The following FRMD3 variants were observed in gnomAD, a reference collection of about 807,000 sequenced individuals.
FRMD3 encodes the protein FERM domain containing 3.
FRMD3 carries 33 observed loss-of-function variants against 70.2 expected under a neutral mutation model. The observed-to-expected ratio is 0.47, with a 90% CI of 0.36 to 0.63. The LOEUF (loss-of-function observed/expected upper bound fraction) is 0.63, where lower values mean the gene tolerates loss of function less well. Ranked by LOEUF, FRMD3 falls within the 20% of genes least tolerant of loss-of-function variation. The probability of loss-of-function intolerance (pLI) is 0.00; values close to 1 mark genes in which losing one functional copy is unlikely to be tolerated. For missense variants in FRMD3, 632 were observed against 711.4 expected, an observed-to-expected ratio of 0.89 and a Z score of 1.27; for synonymous variants, 279 against 255.9, an observed-to-expected ratio of 1.09 and a Z score of -0.86.
Position 83,423,595 on chromosome 9 carries a change from T to TTC in FRMD3, c.148-33888_148-33887insGA, listed in dbSNP as rs1304917716. On this transcript the variant is annotated intron_variant, in intron 1 of 13. Transcript: ENST00000304195. ...GCACTAGCCCTGTTTCTTTTTTTTT[T>TTC]TTTTTTTTTTTTTTTTTTGAGATGG... Among the ~76,000 whole-genome samples the TTC allele has an allele frequency of 6.7e-4, 89 of 132,392 alleles. 1 individual carries two copies. The highest frequency in any genetic ancestry group is 2.6e-3 in the African/African-American group (89 of 34,708). 86.9% of individuals were successfully genotyped at this position (132,392 alleles called of 152,430 possible).
chr9:83,249,224 C>T (rs1305832921), intron 13 of FRMD3, among the ~76,000 whole-genome samples: 2 of 151,978 alleles, frequency 1.3e-5, no homozygotes, highest in Non-Finnish European at 2.9e-5. Flanking sequence ...AGCTTTTTTT[C>T]CCCTCTTGTT....
chr9:83,549,676 T>C, the FRMD3 span, among the ~76,000 whole-genome samples: 2 of 152,232 alleles, frequency 1.3e-5, no homozygotes, highest in African/African-American at 2.4e-5. Context: ...ATTGTGCTTT[T>C]GATTTGCATT....
intron 6 of FRMD3, among the ~76,000 whole-genome samples, chr9:83,326,827 T>C (rs2131108879): frequency 6.6e-6 from 1 of 152,332 alleles, no homozygotes; most frequent in East Asian, 1.9e-4. Context: ...TTCAAAGAGC[T>C]AACAATTCTC....
chr9:83,372,026 A>T (rs960430777), intron 3 of FRMD3, among the ~76,000 whole-genome samples: 2 of 152,250 alleles, frequency 1.3e-5, no homozygotes, highest in Admixed American at 1.3e-4. Context: ...AATCCCTTGA[A>T]TGACGACAAG....
intron 13 of FRMD3, among the ~76,000 whole-genome samples, chr9:83,249,337 C>A (rs2118516123): frequency 6.6e-6 from 1 of 152,262 alleles, no homozygotes; most frequent in East Asian, 1.9e-4. Context: ...CTCAATGCCT[C>A]ATTTTACTGA....
Position 83,372,907 on chromosome 9 carries a change from A to G in FRMD3, c.295+6T>C. The G allele has an allele frequency of 1.9e-6, 3 of 1,610,914 alleles. No homozygotes were observed. The highest frequency in any genetic ancestry group is 1.7e-6 in the Non-Finnish European group (2 of 1,177,214). On this transcript the variant is annotated splice_donor_region_variant and intron_variant, in intron 3 of 13. Transcript: ENST00000304195. ...AGCAAAAGTAAAGTCACAGATTGAC[A>G]CTTACTTTTCATTTGCTTGAAGATG... is the stretch of plus-strand genomic sequence containing the variant.
At chr9:83,583,072 A>T in the FRMD3 span, among the ~76,000 whole-genome samples, 4 of 152,124 alleles carry the variant, frequency 2.6e-5, no homozygotes, top group East Asian at 7.7e-4. Context: ...CTTACAACTC[A>T]TTTCCAGAGC....
At chr9:83,569,382 C>T in the FRMD3 span, among the ~76,000 whole-genome samples, 6 of 152,146 alleles carry the variant, frequency 3.9e-5, no homozygotes, top group Admixed American at 3.9e-4. Flanking sequence ...GATAAATAGA[C>T]TCTCCCCAAC....
At chr9:83,568,943 G>C in the FRMD3 span, among the ~76,000 whole-genome samples, 54 of 124,720 alleles carry the variant, frequency 4.3e-4, no homozygotes, top group Admixed American at 5.3e-4. Flanking sequence ...TAGATAGATA[G>C]ATAGATAGAT....
At chr9:83,436,701 T>C (rs1184450576) in intron 1 of FRMD3, among the ~76,000 whole-genome samples, 1 of 151,366 alleles carries the variant, frequency 6.6e-6, no homozygotes, top group Non-Finnish European at 1.5e-5. Flanking sequence ...TTTTAAATTA[T>C]GCCATCCCAA....
rs1041368684 is a variant in FRMD3, at chr9:83,537,456, G to A, written c.147+629C>T. ...ATTCCTTTCGAGGTAGCTCCAGTCCGGCGCAGCGCGCGCTCCATCCCTCAA... is the reference window on the plus strand; with the variant it reads ...ATTCCTTTCGAGGTAGCTCCAGTCCAGCGCAGCGCGCGCTCCATCCCTCAA... On this transcript the variant is annotated intron_variant, in intron 1 of 13. Coordinates refer to ENST00000304195, the MANE Select transcript of FRMD3 (RefSeq NM_174938.6). This position sits in a 1 kb window ranked among gnomAD's most constrained non-coding sequence, Gnocchi z 4.1. Among the ~76,000 whole-genome samples the A allele has an allele frequency of 2.0e-5, 3 of 152,186 alleles. No individual in the cohort carries two copies. Among genetic ancestry groups the A allele is most frequent in the Non-Finnish European group, 2.9e-5 (2 of 68,024 alleles).
intron 1 of FRMD3, among the ~76,000 whole-genome samples, chr9:83,400,012 G>T (rs1825908550): frequency 6.6e-6 from 1 of 151,830 alleles, no homozygotes. Flanking sequence ...GAAAAAAGAA[G>T]AGAAAAGAAA....
intron 13 of FRMD3, among the ~76,000 whole-genome samples, chr9:83,277,245 TA>T (rs1399699576): frequency 6.6e-6 from 1 of 152,254 alleles, no homozygotes; most frequent in Non-Finnish European, 1.5e-5. Context: ...ATATTTTTGT[TA>T]AAATTATAAA....
At chr9:83,367,445 T>C (rs1291858740) in intron 3 of FRMD3, among the ~76,000 whole-genome samples, 1 of 152,114 alleles carries the variant, frequency 6.6e-6, no homozygotes. Context: ...GCAGCAACTA[T>C]TTAAGGACTC....
At chr9:83,340,856 A>T (rs1823731726) in intron 5 of FRMD3, among the ~76,000 whole-genome samples, 1 of 152,128 alleles carries the variant, frequency 6.6e-6, no homozygotes, top group Non-Finnish European at 1.5e-5. Flanking sequence ...TCAGCCTCCC[A>T]AGTAGCTGGA....
chr9:83,354,808 G>A (rs1322646980), intron 3 of FRMD3, among the ~76,000 whole-genome samples: 1 of 152,078 alleles, frequency 6.6e-6, no homozygotes, highest in African/African-American at 2.4e-5. Context: ...GATGAGAGAA[G>A]ACTGCCACCT....
intron 6 of FRMD3, among the ~76,000 whole-genome samples, chr9:83,330,958 T>G (rs1836233575): frequency 6.6e-6 from 1 of 152,214 alleles, no homozygotes; most frequent in African/African-American, 2.4e-5. Flanking sequence ...ACACCAAATG[T>G]TGGCAAGGAT....
the FRMD3 span, among the ~76,000 whole-genome samples, chr9:83,554,728 G>C: frequency 9.4e-3 from 1,434 of 152,330 alleles, 21 homozygotes; most frequent in African/African-American, 0.032. Context: ...TGCCTCCGGA[G>C]GCTGTGTCCA....
Position 83,457,703 on chromosome 9 carries a change from C to T in FRMD3, c.148-67995G>A, listed in dbSNP as rs1364572012. Among the ~76,000 whole-genome samples, 12 of 151,976 alleles carry T rather than the reference C, an allele frequency of 7.9e-5. No individual in the cohort carries two copies. In the South Asian group the frequency reaches 2.5e-3, roughly 32 times the overall value. The stretch of plus-strand genomic sequence containing the variant: ...CAATTTTTTTCTGAGTATTTTTTAT[C>T]CGTGGTTGGTTGGCTCCACAGATGC... On this transcript the variant is annotated intron_variant, in intron 1 of 13. Transcript: ENST00000304195.
Sources: allele counts gnomAD v4.1 joint callset (sites outside exome capture counted in the v4.1 genomes callset), GRCh38; gene constraint gnomAD v4.1.1; non-coding constraint Gnocchi (gnomAD v3.1); transcripts MANE v1.5; gene names NCBI Gene and HGNC (gene_info 2026-07-23, HGNC 2026-07-21).